Variants in TCAF1 observed in about 807,000 individuals in gnomAD.
TCAF1 encodes TRPM8 channel-associated factor 1.
Under a neutral mutation model 27.3 loss-of-function variants are expected in TCAF1, and 4 were observed. The observed-to-expected ratio is 0.15, with a 90% CI of 0.07 to 0.34. TCAF1 has a LOEUF of 0.34. TCAF1 is among the 10% of genes least tolerant of loss of function. The pLI is 1.00. For synonymous variants in TCAF1, 105 were observed against 167.1 expected, an observed-to-expected ratio of 0.63 and a Z score of 2.87; for missense variants, 257 against 425.8, an observed-to-expected ratio of 0.60 and a Z score of 3.49.
chr7:143,883,928 C>T (rs1813250077), intron 1 of TCAF1, among the ~76,000 whole-genome samples: 1 of 152,112 alleles, frequency 6.6e-6, no homozygotes, highest in South Asian at 2.1e-4. Context: ...TGACAGGGAC[C>T]CAGACTAAGT....
intron 2 of TCAF1, among the ~76,000 whole-genome samples, chr7:143,870,683 T>C (rs1338556457): frequency 1.3e-5 from 2 of 151,358 alleles, no homozygotes; most frequent in Non-Finnish European, 3.0e-5. Flanking sequence ...AAAGAATGTG[T>C]ATTCTGCTAT....
intron 1 of TCAF1, among the ~76,000 whole-genome samples, chr7:143,897,028 G>A (rs954710862): frequency 6.1e-5 from 9 of 148,046 alleles, no homozygotes; most frequent in Non-Finnish European, 1.2e-4. Flanking sequence ...AAGAGAAAAT[G>A]TACACATATT....
At position 143,876,271 on chromosome 7, in the gene TCAF1, T is replaced by G; in HGVS notation, c.338A>C (p.Lys113Thr). The G allele has an allele frequency of 6.2e-7, 1 of 1,614,172 alleles. No homozygotes were observed. The highest frequency in any genetic ancestry group is 8.5e-7 in the Non-Finnish European group (1 of 1,180,034). Residue 113 changes from lysine (K) to threonine (T), a missense_variant, in exon 2 of 9, where the codon AAG becomes ACG. By Grantham distance (78) the Lys-to-Thr change is moderately conservative (BLOSUM62 -1). Transcript: ENST00000479870. The stretch of plus-strand genomic sequence containing the variant: ...GGAGTCTTTCACTTCTGGCTCAACC[T>G]TTGCATCCACTCCAGAGCCCTCGAG... ...KILEGSGVDA[K>T]VEPEVKDSLG...
chr7:143,898,112 T>C (rs1302758174), intron 1 of TCAF1, among the ~76,000 whole-genome samples: 2 of 152,078 alleles, frequency 1.3e-5, no homozygotes, highest in Non-Finnish European at 2.9e-5. Context: ...AAAAAGTATA[T>C]ATATTCTCAA....
chr7:143,899,880 TAA>T (rs1327424496), intron 1 of TCAF1, among the ~76,000 whole-genome samples: 1 of 152,092 alleles, frequency 6.6e-6, no homozygotes, highest in Non-Finnish European at 1.5e-5. Context: ...GATCAACATA[TAA>T]AAAGTCAATC....
intron 2 of TCAF1, among the ~76,000 whole-genome samples, chr7:143,875,252 T>A (rs1812629447): frequency 6.6e-6 from 1 of 152,200 alleles, no homozygotes; most frequent in South Asian, 2.1e-4. Context: ...CTCCCGGGAC[T>A]AATCCAGCTT....
intron 1 of TCAF1, chr7:143,885,341 G>A (rs929294073): frequency 8.1e-6 from 8 of 984,906 alleles, no homozygotes; most frequent in South Asian, 4.7e-5. Flanking sequence ...GGAGGCGTGT[G>A]GGGGGAGGTG....
At chr7:143,885,968 C>G (rs1384866579) in intron 1 of TCAF1, among the ~76,000 whole-genome samples, 1 of 152,218 alleles carries the variant, frequency 6.6e-6, no homozygotes, top group Non-Finnish European at 1.5e-5. Flanking sequence ...ACCCAAGCAG[C>G]TGGCAGCGGC....
intron 1 of TCAF1, among the ~76,000 whole-genome samples, chr7:143,889,824 C>T (rs1029717421): frequency 2.6e-5 from 4 of 152,214 alleles, no homozygotes; most frequent in Non-Finnish European, 1.5e-5. Context: ...AGGAAAGCTT[C>T]ACCAGACAGT....
chr7:143,859,975 T>C (rs1160211786), intron 6 of TCAF1, among the ~76,000 whole-genome samples: 1 of 20,548 alleles, frequency 4.9e-5, no homozygotes, highest in Non-Finnish European at 1.1e-4. Flanking sequence ...TATTATATAA[T>C]ATATATTATA....
At chr7:143,897,169 T>TATATATATATATATATAC (rs1813918438) in intron 1 of TCAF1, among the ~76,000 whole-genome samples, 1 of 111,948 alleles carries the variant, frequency 8.9e-6, no homozygotes, top group Non-Finnish European at 1.9e-5. Flanking sequence ...TATATATATA[T>TATATATATATATATATAC]ATATATATTC....
intron 1 of TCAF1, chr7:143,885,046 GCAGCCCCGCGTGCGCCCCCCT>G (rs1434156207): frequency 4.2e-5 from 41 of 985,206 alleles, no homozygotes; most frequent in Non-Finnish European, 4.8e-5. Flanking sequence ...GACCACTTTG[GCAGCCCCGCGTGCGCCCCCCT>G]CGGCCGCGCT....
chr7:143,886,712 T>TC (rs1394965604), intron 1 of TCAF1, among the ~76,000 whole-genome samples: 1 of 146,162 alleles, frequency 6.8e-6, no homozygotes, highest in Non-Finnish European at 1.5e-5. Flanking sequence ...TTTTTTTTTT[T>TC]TTTTTTTTTT....
intron 1 of TCAF1, among the ~76,000 whole-genome samples, chr7:143,878,571 GCT>G (rs1812848756): frequency 6.6e-6 from 1 of 152,134 alleles, no homozygotes; most frequent in Non-Finnish European, 1.5e-5. Flanking sequence ...CTCTAAGTGA[GCT>G]CTTTTAAGGC....
chr7:143,851,995 ATTAT>A lies in TCAF1; in HGVS notation c.*2134_*2137del, dbSNP rs1811321685. 2 of 152,252 alleles carry A rather than the reference ATTAT, an allele frequency of 1.3e-5. No individual in the cohort carries two copies. The highest frequency in any genetic ancestry group is 4.1e-4 in the South Asian group (2 of 4,836). The allele number at this position is 152,252 out of a possible 1,614,324, so 9.4% of individuals were successfully genotyped here. A position where few individuals can be genotyped will look rare whatever the true frequency, so the allele number is the denominator to read the frequency against. On this transcript the variant is annotated 3_prime_UTR_variant, in exon 9 of 9. Transcript: ENST00000479870. Reference sequence around the variant, plus strand: ...TTGAATACTAATAAATGATATCCACATTATTTTGGCTATTTAAATACTTCTTACT... The same window carrying A: ...TTGAATACTAATAAATGATATCCACATTTGGCTATTTAAATACTTCTTACT...
At chr7:143,878,384 TA>T (rs1223487259) in intron 1 of TCAF1, among the ~76,000 whole-genome samples, 3 of 152,204 alleles carry the variant, frequency 2.0e-5, no homozygotes, top group African/African-American at 7.2e-5. Flanking sequence ...TGCTAATTAC[TA>T]TTACATTCAT....
intron 2 of TCAF1, among the ~76,000 whole-genome samples, chr7:143,870,742 T>C (rs1435798656): frequency 7.1e-6 from 1 of 141,188 alleles, no homozygotes; most frequent in African/African-American, 2.6e-5. Context: ...TAAACAAATA[T>C]GGAGAAAACC....
chr7:143,875,125 C>T (rs1488393812), intron 2 of TCAF1, among the ~76,000 whole-genome samples: 1 of 152,184 alleles, frequency 6.6e-6, no homozygotes, highest in Non-Finnish European at 1.5e-5. Context: ...GTGTGTCGTC[C>T]TCACCCAATC....
At chr7:143,875,839 A>T in intron 2 of TCAF1, 150 bp downstream of exon 2, 1 of 619,448 alleles carries the variant, frequency 1.6e-6, no homozygotes, top group Non-Finnish European at 2.7e-6. Context: ...CCTATGTCTC[A>T]GGGCATTTAA....
Sources: gnomAD v4.1 joint callset for allele counts (sites outside exome capture counted in the v4.1 genomes callset) on GRCh38, gnomAD v4.1.1 for gene constraint, MANE v1.5 for transcripts, NCBI Gene and HGNC (gene_info 2026-07-23, HGNC 2026-07-21) for gene names.